DNAH17: variants seen among roughly 807,000 people sequenced by gnomAD.
DNAH17 encodes axonemal beta dynein heavy chain 17.
A neutral mutation model predicts 485.6 loss-of-function variants in DNAH17; 376 were observed. The observed-to-expected ratio is 0.77, with a 90% confidence interval of 0.71 to 0.84. The LOEUF (loss-of-function observed/expected upper bound fraction) is 0.84, where lower values mean the gene tolerates loss of function less well. Among genes scored for constraint, DNAH17 ranks in the 40% least tolerant of loss-of-function variants. The pLI, the probability that DNAH17 is intolerant of heterozygous loss-of-function variation, is 0.00. For missense variants in DNAH17, 6,370 were observed against 5,839.3 expected, an observed-to-expected ratio of 1.09 and a Z score of -2.96; for synonymous variants, 3,031 against 2,405.9, an observed-to-expected ratio of 1.26 and a Z score of -7.60.
intron 56 of DNAH17, among the ~76,000 whole-genome samples, chr17:78,463,892 TG>T (rs1364678319): frequency 1.3e-5 from 2 of 152,192 alleles, no homozygotes; most frequent in African/African-American, 2.4e-5. Flanking sequence ...GTGCTGGTGG[TG>T]GGGCCAATGC....
intron 14 of DNAH17, among the ~76,000 whole-genome samples, chr17:78,553,144 CCCTTCA>C (rs1407515539): frequency 5.3e-5 from 8 of 152,160 alleles, no homozygotes; most frequent in Non-Finnish European, 7.3e-5. Context: ...TGCCTGCTTC[CCCTTCA>C]CCTTCCACCA....
chr17:78,470,780 G>T (rs554454992), intron 54 of DNAH17, among the ~76,000 whole-genome samples: 1 of 152,290 alleles, frequency 6.6e-6, no homozygotes, highest in Non-Finnish European at 1.5e-5. Context: ...AATCTTAAAT[G>T]GAGACCCTAA....
intron 14 of DNAH17, among the ~76,000 whole-genome samples, chr17:78,557,660 A>AAAAAAAAAAAAAAAAAAAC (rs2092056072): frequency 6.6e-6 from 1 of 150,566 alleles, no homozygotes; most frequent in Non-Finnish European, 1.5e-5. Flanking sequence ...AAAAAAAAAA[A>AAAAAAAAAAAAAAAAAAAC]AAAGTAACGT....
Position 78,501,737 on chromosome 17 carries a change from C to T in DNAH17, c.5322+5G>A, listed in dbSNP as rs754280244. The T allele has an allele frequency of 6.9e-5, 111 of 1,612,152 alleles. No individual in the cohort carries two copies. Among genetic ancestry groups the T allele is most frequent in the Non-Finnish European group, 8.5e-5 (100 of 1,179,682 alleles). ...CCCTGGCCCCTGGGACAGGGGCGCTCATGCCTTGGCCACGATCATTTTGGC... is the reference window on the plus strand; with the variant it reads ...CCCTGGCCCCTGGGACAGGGGCGCTTATGCCTTGGCCACGATCATTTTGGC... On this transcript the variant is annotated splice_donor_5th_base_variant and intron_variant, in intron 34 of 80. Transcript: ENST00000389840.
In DNAH17 at chr17:78,501,768, C is replaced by T. The variant is rs765221920; in HGVS notation, c.5296G>A (p.Val1766Met). Residue 1766 changes from valine to methionine, a missense_variant, in exon 34 of 81, where the codon GTG becomes ATG. Physicochemically the swap from Val to Met is conservative, Grantham distance 21. Transcript: ENST00000389840. ...ICTIDVHARD[V>M]VAKMIVAKVE... ...TTGGCCACGATCATTTTGGCCACCA[C>T]GTCCCGTGCGTGCACATCGATGGTG... The T allele has an allele frequency of 2.7e-5, 43 of 1,613,618 alleles. No homozygotes were observed. The highest frequency in any genetic ancestry group is 3.2e-5 in the Non-Finnish European group (38 of 1,179,900).
chr17:78,428,454 C>T (rs2086557172), intron 77 of DNAH17, 71 bp downstream of exon 77: 4 of 1,530,436 alleles, frequency 2.6e-6, no homozygotes, highest in African/African-American at 1.4e-5. Flanking sequence ...TGCCGCCAGT[C>T]CCTGTGACCC....
intron 37 of DNAH17, among the ~76,000 whole-genome samples, chr17:78,496,407 A>G (rs1008621106): frequency 2.2e-5 from 3 of 135,024 alleles, no homozygotes; most frequent in Non-Finnish European, 3.1e-5. Context: ...TCTCTGCCCC[A>G]TGTAGCCTGA....
At position 78,427,125 on chromosome 17, in the gene DNAH17, G is replaced by T; in HGVS notation, c.12589-17C>A. On this transcript the variant is annotated splice_polypyrimidine_tract_variant and intron_variant, in intron 77 of 80. Coordinates refer to ENST00000389840, the MANE Select transcript of DNAH17 (RefSeq NM_173628.4). Reference sequence around the variant, plus strand: ...GGCCTTCACCTGGAAGCCAGTCCCCGGACAGCCCCTGTCACTGCAAAGAGC... The same window carrying T: ...GGCCTTCACCTGGAAGCCAGTCCCCTGACAGCCCCTGTCACTGCAAAGAGC... 1 of 1,560,130 alleles carries T rather than the reference G, an allele frequency of 6.4e-7. No individual in the cohort carries two copies. The highest frequency in any genetic ancestry group is 2.4e-5 in the East Asian group (1 of 41,566).
chr17:78,504,087 A>G (rs1048643407), intron 31 of DNAH17, among the ~76,000 whole-genome samples: 2 of 149,696 alleles, frequency 1.3e-5, no homozygotes, highest in Non-Finnish European at 3.0e-5. Context: ...TTTTTTGGAG[A>G]TGAAGTCTCA....
At chr17:78,562,364 A>C (rs2143660159) in intron 11 of DNAH17, among the ~76,000 whole-genome samples, 1 of 152,262 alleles carries the variant, frequency 6.6e-6, no homozygotes, top group South Asian at 2.1e-4. Flanking sequence ...CGGGAGGGTC[A>C]CTTGAGCCCA....
intron 51 of DNAH17, among the ~76,000 whole-genome samples, chr17:78,478,253 T>C (rs111067576): frequency 0.034 from 4,425 of 130,234 alleles, 227 homozygotes; most frequent in African/African-American, 0.12. Context: ...ATCACCACCA[T>C]CACCATTATC....
intron 77 of DNAH17, among the ~76,000 whole-genome samples, chr17:78,428,138 A>G (rs116246792): frequency 0.16 from 23,742 of 152,106 alleles, 1,969 homozygotes; most frequent in Middle Eastern, 0.2. Flanking sequence ...CTGCCTGCAC[A>G]TCCGGCTGCC....
At chr17:78,455,895 C>A in intron 62 of DNAH17, 59 bp from the exon 63 acceptor site, 1 of 1,395,990 alleles carries the variant, frequency 7.2e-7, no homozygotes. Context: ...CTGGACCAGA[C>A]AAGCCTCCAC....
At chr17:78,472,558 C>T (rs892061744) in intron 54 of DNAH17, 1 of 313,234 alleles carries the variant, frequency 3.2e-6, no homozygotes, top group African/African-American at 2.3e-5. Flanking sequence ...CCAGCTCTGG[C>T]TGCTGACTCA....
rs372435270 is a variant in DNAH17, at chr17:78,486,506, C to T, written c.6819G>A (p.Pro2273=). The T allele has an allele frequency of 3.5e-5, 56 of 1,598,082 alleles. No individual in the cohort carries two copies. The African/African-American group carries it at 5.2e-4, about 15-fold the overall frequency. Residue 2273 remains proline (P), a splice_region_variant and synonymous_variant, in exon 45 of 81, where the codon CCG becomes CCA. Coordinates refer to ENST00000389840, the MANE Select transcript of DNAH17 (RefSeq NM_173628.4). The stretch of plus-strand genomic sequence containing the variant: ...GCCTCTCGATCCAGCTGCTCACCAC[C>T]CTGGGGGTGACAGGAGGCGCCGATG... ...YINPADLGWN[P]VVSSWIERRK...
chr17:78,463,882 G>C (rs561409752), intron 56 of DNAH17, among the ~76,000 whole-genome samples: 16 of 151,538 alleles, frequency 1.1e-4, no homozygotes, highest in African/African-American at 3.9e-4. Flanking sequence ...TATATATATA[G>C]TGCTGGTGGT....
intron 77 of DNAH17, 123 bp from the exon 78 acceptor site, chr17:78,427,231 TAG>T (rs2086507619): frequency 4.1e-6 from 4 of 971,344 alleles, no homozygotes; most frequent in Middle Eastern, 3.2e-4. Flanking sequence ...AAGAGGCAAG[TAG>T]AGTTGCCAGA....
Position 78,461,621 on chromosome 17 carries a change from C to T in DNAH17, c.9262G>A (p.Gly3088Ser), listed in dbSNP as rs771803250. 3.0e-5 allele frequency: 48 copies of T among 1,610,424 alleles called. No individual in the cohort carries two copies. Among genetic ancestry groups the T allele is most frequent in the Non-Finnish European group, 3.6e-5 (42 of 1,178,772 alleles). The change falls in exon 58 of 81, where the codon GGC (glycine) becomes AGC (serine). Residue 3088 changes from glycine (G) to serine (S), a missense_variant. By Grantham distance (56) the Gly-to-Ser change is moderately conservative. Coordinates refer to ENST00000389840, the MANE Select transcript of DNAH17 (RefSeq NM_173628.4). ...ESADQLIQVV[G>S]IEAEKVSKEK... ...TTGCTGACCTTCTCGGCCTCGATGC[C>T]GACCACCTGGATCAGTTGGTCTGCG... is the stretch of plus-strand genomic sequence containing the variant.
chr17:78,426,328 T>A, intron 79 of DNAH17, 129 bp downstream of exon 79: 2 of 1,177,342 alleles, frequency 1.7e-6, no homozygotes, highest in South Asian at 3.8e-5. Flanking sequence ...CTGGCCCTGA[T>A]CTGACAGAGG....
Sources: gnomAD v4.1 joint callset for allele counts (sites outside exome capture counted in the v4.1 genomes callset) on GRCh38, gnomAD v4.1.1 for gene constraint, MANE v1.5 for transcripts, NCBI Gene and HGNC (gene_info 2026-07-23, HGNC 2026-07-21) for gene names.